SLC13A3: variants seen among roughly 807,000 people sequenced by gnomAD.
SLC13A3 encodes the protein solute carrier family 13 member 3.
A neutral mutation model predicts 59.0 loss-of-function variants in SLC13A3; 40 were observed. That is an observed-to-expected ratio of 0.68 (90% CI 0.53 to 0.88). The LOEUF is 0.88. SLC13A3 is among the 40% of genes least tolerant of loss of function. The probability of loss-of-function intolerance (pLI) is 0.00; values close to 1 mark genes in which losing one functional copy is unlikely to be tolerated. For missense variants in SLC13A3, 699 were observed against 783.2 expected, an observed-to-expected ratio of 0.89 and a Z score of 1.28; for synonymous variants, 317 against 330.3, an observed-to-expected ratio of 0.96 and a Z score of 0.44.
chr20:46,559,743 G>A lies in SLC13A3; in HGVS notation c.*279C>T. 2.7e-6 allele frequency: 1 copy of A among 373,610 alleles called. No individual in the cohort carries two copies. The highest frequency in any genetic ancestry group is 4.9e-6 in the Non-Finnish European group (1 of 202,900). 23.1% of individuals were successfully genotyped at this position (373,610 alleles called of 1,614,324 possible). On this transcript the variant is annotated 3_prime_UTR_variant, in exon 13 of 13. Transcript: ENST00000279027. The stretch of plus-strand genomic sequence containing the variant: ...ATTTGCTCACTGTTGATGACACTGG[G>A]CTGTCTTGTATCCTAATGATAAAAC...
In SLC13A3 at chr20:46,605,601, T is replaced by C. The variant is rs141978840; in HGVS notation, c.541+4845A>G. Among the ~76,000 whole-genome samples the C allele has an allele frequency of 1.7e-3, 262 of 152,268 alleles. 1 individual carries two copies. Among genetic ancestry groups the C allele is most frequent in the Non-Finnish European group, 3.1e-3 (211 of 68,016 alleles). ...AGTTTATTACCTTCCTCTTCACAAC[T>C]GGGGAAACTGAGGCCTAGAGAGGTG... On this transcript the variant is annotated intron_variant, in intron 3 of 12. Transcript: ENST00000279027.
intron 8 of SLC13A3, chr20:46,584,492 A>C (rs574177254): frequency 2.0e-6 from 2 of 985,424 alleles, no homozygotes; most frequent in African/African-American, 3.5e-5. Context: ...CTGCTAACCA[A>C]AGCTCTTTCC....
chr20:46,562,002 G>C (rs1260419173), intron 12 of SLC13A3, among the ~76,000 whole-genome samples: 6 of 152,120 alleles, frequency 3.9e-5, no homozygotes, highest in African/African-American at 1.4e-4. Context: ...CACATCTCTT[G>C]CAAGTCTCTA....
chr20:46,647,314 G>T (rs2062905025), intron 1 of SLC13A3, among the ~76,000 whole-genome samples: 2 of 152,108 alleles, frequency 1.3e-5, no homozygotes, highest in Admixed American at 1.3e-4. Flanking sequence ...TGGACAGGTG[G>T]TCAGTATCAT....
intron 1 of SLC13A3, among the ~76,000 whole-genome samples, chr20:46,639,390 C>T (rs1413895161): frequency 6.6e-6 from 1 of 152,034 alleles, no homozygotes; most frequent in African/African-American, 2.4e-5. Flanking sequence ...ACCTGGGAGG[C>T]GGAGGTTGCA....
Position 46,613,511 on chromosome 20 carries a change from T to C in SLC13A3, c.326A>G (p.His109Arg). ...MASAIEEWNLHRRIALKILML... is the reference protein window; with the variant it reads ...MASAIEEWNLRRRIALKILML... ...CAGGATCTTGAGGGCGATTCGCCGGTGCAGGTTCCACTCCTCAATGGCGCT... is the reference window on the plus strand; with the variant it reads ...CAGGATCTTGAGGGCGATTCGCCGGCGCAGGTTCCACTCCTCAATGGCGCT... The change falls in exon 2 of 13, where the codon CAC (histidine) becomes CGC (arginine). Residue 109 changes from histidine (H) to arginine (R), a missense_variant. Coordinates refer to ENST00000279027, the MANE Select transcript of SLC13A3 (RefSeq NM_022829.6). The C allele has an allele frequency of 6.2e-7, 1 of 1,612,466 alleles. No individual in the cohort carries two copies. The highest frequency in any genetic ancestry group is 2.2e-5 in the East Asian group (1 of 44,814).
upstream of SLC13A3, among the ~76,000 whole-genome samples, chr20:46,655,142 T>A (rs996489629): frequency 6.6e-6 from 1 of 152,082 alleles, no homozygotes; most frequent in Non-Finnish European, 1.5e-5. Context: ...GGCCATGATA[T>A]GTCTTGGTGT....
chr20:46,665,079 T>C (rs527419058), intron 1 of SLC13A3, among the ~76,000 whole-genome samples: 2 of 152,154 alleles, frequency 1.3e-5, no homozygotes, highest in African/African-American at 2.4e-5. Context: ...ATAGTTCATA[T>C]AGCATATAAT....
intron 1 of SLC13A3, among the ~76,000 whole-genome samples, chr20:46,677,016 C>T (rs980826334): frequency 6.6e-6 from 1 of 152,162 alleles, no homozygotes; most frequent in African/African-American, 2.4e-5. Flanking sequence ...TGGGTTCAAG[C>T]GATTCTCCTG....
At chr20:46,583,962 C>T (rs936496497) in intron 8 of SLC13A3, 1 of 985,314 alleles carries the variant, frequency 1.0e-6, no homozygotes, top group Non-Finnish European at 1.2e-6. Context: ...ATCCGAGGGC[C>T]GCAGAATATT....
chr20:46,591,629 A>C (rs1251764396), intron 6 of SLC13A3, among the ~76,000 whole-genome samples: 1 of 152,182 alleles, frequency 6.6e-6, no homozygotes, highest in East Asian at 1.9e-4. Context: ...CTTTCTCCTC[A>C]ACGTAAGTAG....
chr20:46,563,559 A>G lies in SLC13A3; in HGVS notation c.1495-8T>C, dbSNP rs761395536. The G allele has an allele frequency of 2.7e-5, 43 of 1,612,786 alleles. No individual in the cohort carries two copies. The highest frequency in any genetic ancestry group is 3.6e-5 in the Non-Finnish European group (42 of 1,179,442). On this transcript the variant is annotated splice_polypyrimidine_tract_variant and splice_region_variant and intron_variant, in intron 11 of 12. Coordinates refer to ENST00000279027, the MANE Select transcript of SLC13A3 (RefSeq NM_022829.6). ...CACTCTCAGGCGGATGGCCTGGGCC[A>G]GGAAAAGGTGGGAGAGACCCGGAGA...
chr20:46,653,379 A>T (rs926992960), upstream of SLC13A3, among the ~76,000 whole-genome samples: 1 of 152,198 alleles, frequency 6.6e-6, no homozygotes, highest in Non-Finnish European at 1.5e-5. Flanking sequence ...TCCAAGGAAG[A>T]GAATACAGTC....
intron 10 of SLC13A3, among the ~76,000 whole-genome samples, chr20:46,568,289 C>T (rs1214779265): frequency 6.6e-5 from 10 of 150,496 alleles, no homozygotes; most frequent in Non-Finnish European, 1.5e-5. Flanking sequence ...TCCTAGCTAC[C>T]CAGGAGGCTG....
At chr20:46,671,760 A>G (rs2063093654), upstream of SLC13A3, among the ~76,000 whole-genome samples, 1 of 152,180 alleles carries the variant, frequency 6.6e-6, no homozygotes, top group Non-Finnish European at 1.5e-5. Context: ...GGAGTCTTGC[A>G]CCAGGTGGGT....
Position 46,613,698 on chromosome 20 carries a change from GC to G in SLC13A3, c.138del (p.Leu47SerfsTer15). 2 of 1,605,618 alleles carry G rather than the reference GC, an allele frequency of 1.2e-6. No individual in the cohort carries two copies. The highest frequency in any genetic ancestry group is 1.7e-6 in the Non-Finnish European group (2 of 1,175,624). On this transcript the variant is annotated frameshift_variant, in exon 2 of 13. Transcript: ENST00000279027. LOFTEE classifies it high-confidence loss of function. The part of the protein sequence containing the change: ...PKEGRCLFVI[L>X]LMAVYWCTEA... ...TCCGTGCACCAGTACACCGCCATGA[GC>G]AGGATGACAAACAAGCAGCGGCCTT... is the stretch of plus-strand genomic sequence containing the variant.
chr20:46,580,519 G>A (rs2062125642), intron 9 of SLC13A3, among the ~76,000 whole-genome samples: 1 of 150,612 alleles, frequency 6.6e-6, no homozygotes, highest in Admixed American at 6.6e-5. Context: ...TATAAAATAA[G>A]TGTTACCTCC....
intron 1 of SLC13A3, among the ~76,000 whole-genome samples, chr20:46,623,503 T>C (rs1433209210): frequency 6.6e-6 from 1 of 152,148 alleles, no homozygotes; most frequent in Non-Finnish European, 1.5e-5. Context: ...GTAGCTGGGA[T>C]GACAGGCATA....
Position 46,649,263 on chromosome 20 carries a change from T to C in SLC13A3, c.111+2048A>G, listed in dbSNP as rs145541405. The stretch of plus-strand genomic sequence containing the variant: ...CCCTGTTATCTCTCCCTGCTTTCCA[T>C]TCAGTTGTGCATGTTGGAGTTCAGA... On this transcript the variant is annotated intron_variant, in intron 1 of 12. Transcript: ENST00000279027. Among the ~76,000 whole-genome samples the C allele has an allele frequency of 2.6e-4, 40 of 152,262 alleles. No homozygotes were observed. The East Asian group carries it at 7.2e-3, about 27-fold the overall frequency.
Sources: allele counts gnomAD v4.1 joint callset (sites outside exome capture counted in the v4.1 genomes callset), GRCh38; gene constraint gnomAD v4.1.1; transcripts MANE v1.5; gene names NCBI Gene and HGNC (gene_info 2026-07-23, HGNC 2026-07-21).